Variants in ARHGAP10 observed in about 807,000 individuals in gnomAD.
The protein encoded by ARHGAP10 is rho GTPase-activating protein 10.
ARHGAP10 carries 87 observed loss-of-function variants against 108.6 expected under a neutral mutation model. The ratio of observed to expected loss-of-function variants is 0.80; its 90% CI spans 0.67 to 0.96. The LOEUF (loss-of-function observed/expected upper bound fraction) is 0.96, where lower values mean the gene tolerates loss of function less well. Among genes scored for constraint, ARHGAP10 ranks in the 40% least tolerant of loss-of-function variants. The pLI, the probability that ARHGAP10 is intolerant of heterozygous loss-of-function variation, is 0.00. For synonymous variants in ARHGAP10, 347 were observed against 341.1 expected (o/e 1.02, Z -0.19); for missense variants, 939 against 954.5 (o/e 0.98, Z 0.21).
intron 22 of ARHGAP10, among the ~76,000 whole-genome samples, chr4:148,067,942 T>C (rs1046327292): frequency 1.3e-5 from 2 of 152,194 alleles, no homozygotes; most frequent in African/African-American, 4.8e-5. Flanking sequence ...GTAGACTCAC[T>C]AATGCCTAGC....
At chr4:147,967,747 C>T (rs989578669) in intron 18 of ARHGAP10, among the ~76,000 whole-genome samples, 3 of 152,160 alleles carry the variant, frequency 2.0e-5, no homozygotes, top group Admixed American at 6.5e-5. Flanking sequence ...CTATGTACTG[C>T]CTGGGGGATC....
In ARHGAP10 at chr4:147,770,109, T is replaced by C. The variant is rs114221260; in HGVS notation, c.154+37654T>C. Among the ~76,000 whole-genome samples the C allele has an allele frequency of 8.2e-3, 1,242 of 152,330 alleles. 12 individuals are homozygous for C. The highest frequency in any genetic ancestry group is 0.028 in the African/African-American group (1,167 of 41,574). ...CATTCCTGTCCGTCCTTGCCACCAC[T>C]GACTTAGACCAGGTGACACATGGGC... is the stretch of plus-strand genomic sequence containing the variant. On this transcript the variant is annotated intron_variant, in intron 1 of 22. Transcript: ENST00000336498.
chr4:148,026,848 C>G (rs1727879094), intron 19 of ARHGAP10, among the ~76,000 whole-genome samples: 1 of 152,126 alleles, frequency 6.6e-6, no homozygotes, highest in Non-Finnish European at 1.5e-5. Context: ...CAAAGGTTTG[C>G]TTTCATTTCA....
At chr4:148,047,135 T>C (rs1728924734) in intron 20 of ARHGAP10, 84 bp downstream of exon 20, 26 of 1,514,854 alleles carry the variant, frequency 1.7e-5, no homozygotes, top group Non-Finnish European at 2.2e-5. Flanking sequence ...CAGTGACCTG[T>C]GGGTGCTGAA....
intron 1 of ARHGAP10, among the ~76,000 whole-genome samples, chr4:147,773,526 C>T (rs908771526): frequency 2.6e-5 from 4 of 152,138 alleles, no homozygotes; most frequent in Admixed American, 2.0e-4. Flanking sequence ...GAAATCAACT[C>T]GATGTACACT....
chr4:147,884,103 T>C (rs1735445289), intron 10 of ARHGAP10, among the ~76,000 whole-genome samples: 1 of 152,252 alleles, frequency 6.6e-6, no homozygotes, highest in Non-Finnish European at 1.5e-5. Flanking sequence ...CTAGAGAATA[T>C]GTTAAGTGAG....
intron 19 of ARHGAP10, among the ~76,000 whole-genome samples, chr4:148,034,521 G>T (rs1728289403): frequency 6.6e-6 from 1 of 151,306 alleles, no homozygotes; most frequent in African/African-American, 2.4e-5. Context: ...GTAGAGACAG[G>T]TTTCACCCTG....
chr4:147,930,690 A>G (rs1434997568), intron 13 of ARHGAP10, among the ~76,000 whole-genome samples: 1 of 151,710 alleles, frequency 6.6e-6, no homozygotes, highest in Admixed American at 6.6e-5. Flanking sequence ...TTTATTTTGT[A>G]TTCTCCCTGT....
intron 18 of ARHGAP10, among the ~76,000 whole-genome samples, chr4:148,016,090 G>A (rs1208729770): frequency 6.6e-6 from 1 of 152,172 alleles, no homozygotes; most frequent in African/African-American, 2.4e-5. Flanking sequence ...ATAATGTCAG[G>A]CATGTGGCAA....
At chr4:147,841,183 G>A (rs1470041883) in intron 3 of ARHGAP10, among the ~76,000 whole-genome samples, 1 of 152,220 alleles carries the variant, frequency 6.6e-6, no homozygotes, top group Non-Finnish European at 1.5e-5. Context: ...GCTGTGAGGA[G>A]AGAGCATCTG....
intron 10 of ARHGAP10, among the ~76,000 whole-genome samples, chr4:147,898,265 T>C (rs1736080610): frequency 6.6e-6 from 1 of 152,138 alleles, no homozygotes; most frequent in South Asian, 2.1e-4. Context: ...TTATATTGCC[T>C]TCATTTTTGA....
intron 18 of ARHGAP10, among the ~76,000 whole-genome samples, chr4:148,006,250 G>A (rs979338963): frequency 2.0e-5 from 3 of 152,182 alleles, no homozygotes; most frequent in African/African-American, 4.8e-5. Context: ...AGAGATACCC[G>A]GCCTGCCCTA....
chr4:148,028,458 A>G (rs1490980805), intron 19 of ARHGAP10, among the ~76,000 whole-genome samples: 4 of 152,162 alleles, frequency 2.6e-5, no homozygotes, highest in Non-Finnish European at 5.9e-5. Flanking sequence ...AAATCAGGGT[A>G]ATAATAGTAT....
rs753773443 is a variant in ARHGAP10 at position 147,982,546 on chromosome 4, C to CTTTTT, written c.1716+15728_1716+15732dup. 9.2e-3 allele frequency among the ~76,000 whole-genome samples: 611 copies of CTTTTT among 66,188 alleles called. 9 individuals carry two copies. The highest frequency in any genetic ancestry group is 0.035 in the African/African-American group (491 of 14,068). 43.4% of individuals were successfully genotyped at this position (66,188 alleles called of 152,430 possible). A position where few individuals can be genotyped will look rare whatever the true frequency, so the allele number is the denominator to read the frequency against. ...CATGTGCCATCACACCCAGCTAAAT[C>CTTTTT]TTTTTTTTTTTTTTTTTTTTTTTTT... On this transcript the variant is annotated intron_variant, in intron 18 of 22. Coordinates refer to ENST00000336498, the MANE Select transcript of ARHGAP10 (RefSeq NM_024605.4).
At chr4:147,944,727 C>A (rs1227450370) in intron 14 of ARHGAP10, among the ~76,000 whole-genome samples, 1 of 152,112 alleles carries the variant, frequency 6.6e-6, no homozygotes, top group Non-Finnish European at 1.5e-5. Flanking sequence ...AAGACATCAT[C>A]GTGGAGTGAG....
At chr4:147,837,666 G>A (rs1033282207) in intron 3 of ARHGAP10, among the ~76,000 whole-genome samples, 3 of 9,028 alleles carry the variant, frequency 3.3e-4, no homozygotes, top group Non-Finnish European at 1.5e-3. Context: ...TTTTTTTAAA[G>A]CAGTAGCTTT....
intron 22 of ARHGAP10, among the ~76,000 whole-genome samples, chr4:148,069,530 C>T (rs928479576): frequency 1.3e-5 from 2 of 152,198 alleles, no homozygotes; most frequent in Admixed American, 1.3e-4. Context: ...AGAAAATCAC[C>T]TTTTTCCTCC....
At chr4:147,777,965 A>G (rs1730363523) in intron 1 of ARHGAP10, among the ~76,000 whole-genome samples, 1 of 152,160 alleles carries the variant, frequency 6.6e-6, no homozygotes, top group Admixed American at 6.5e-5. Context: ...GCCAGTGTGT[A>G]GTTACTGTTC....
Position 147,879,707 on chromosome 4 carries a change from C to A in ARHGAP10, c.939+369C>A, listed in dbSNP as rs924071850. Among the ~76,000 whole-genome samples the A allele has an allele frequency of 5.3e-5, 8 of 152,252 alleles. No homozygotes were observed. In the East Asian group the frequency reaches 1.5e-3, roughly 29 times the overall value. Reference sequence around the variant, plus strand: ...TATCCCTCCCCTAGCCCCCAGCCCCCTCACAGACCCCAGTGTGTGATGTTC... The same window carrying A: ...TATCCCTCCCCTAGCCCCCAGCCCCATCACAGACCCCAGTGTGTGATGTTC... On this transcript the variant is annotated intron_variant, in intron 9 of 22. Transcript: ENST00000336498.
Sources: allele counts gnomAD v4.1 joint callset (sites outside exome capture counted in the v4.1 genomes callset), GRCh38; gene constraint gnomAD v4.1.1; transcripts MANE v1.5; gene names NCBI Gene and HGNC (gene_info 2026-07-23, HGNC 2026-07-21).